Variants in SULF1 observed in about 807,000 individuals in gnomAD.
SULF1 encodes the protein extracellular sulfatase Sulf-1.
In SULF1, 46 loss-of-function variants were observed where a neutral mutation model predicts 110.5. The observed-to-expected ratio is 0.42, with a 90% CI of 0.33 to 0.53. SULF1 has a LOEUF of 0.53. SULF1 is among the 20% of genes least tolerant of loss of function. The pLI, the probability that SULF1 is intolerant of heterozygous loss-of-function variation, is 0.12. For missense variants in SULF1, 941 were observed against 1,094.2 expected (o/e 0.86, Z 1.98); for synonymous variants, 371 against 387.1 (o/e 0.96, Z 0.49).
At chr8:69,605,855 G>A (rs1808183547) in intron 13 of SULF1, among the ~76,000 whole-genome samples, 1 of 152,172 alleles carries the variant, frequency 6.6e-6, no homozygotes, top group African/African-American at 2.4e-5. Context: ...TGTAGAGTGA[G>A]GTGGGCATTG....
chr8:69,524,270 G>A (rs1215752373), intron 3 of SULF1, among the ~76,000 whole-genome samples: 1 of 152,006 alleles, frequency 6.6e-6, no homozygotes, highest in Admixed American at 6.6e-5. Context: ...AATACCTGAG[G>A]CTGGGTAAGT....
intron 3 of SULF1, among the ~76,000 whole-genome samples, chr8:69,521,560 C>T (rs1445864494): frequency 1.3e-5 from 2 of 151,930 alleles, no homozygotes; most frequent in African/African-American, 2.4e-5. Flanking sequence ...GCAAAAGCCC[C>T]AAGAGGAAAG....
At chr8:69,609,292 G>A (rs960873150) in intron 13 of SULF1, among the ~76,000 whole-genome samples, 4 of 152,204 alleles carry the variant, frequency 2.6e-5, no homozygotes, top group Non-Finnish European at 5.9e-5. Flanking sequence ...GCTGCAGTGA[G>A]CCGTGATCGT....
chr8:69,519,052 G>A lies in SULF1; in HGVS notation c.-134+17084G>A, dbSNP rs527992229. Among the ~76,000 whole-genome samples, 18 of 152,180 alleles carry A rather than the reference G, an allele frequency of 1.2e-4. No individual in the cohort carries two copies. The East Asian group carries it at 2.5e-3, about 21-fold the overall frequency. On this transcript the variant is annotated intron_variant, in intron 3 of 22. Transcript: ENST00000402687. The stretch of plus-strand genomic sequence containing the variant: ...ATACATTACTTGTGTCCCTTCTCTT[G>A]GGGATCACAGCCTGTTCAATGTCTG...
Position 69,645,559 on chromosome 8 carries a change from T to C in SULF1, c.2585+4718T>C, listed in dbSNP as rs191204047. On this transcript the variant is annotated intron_variant, in intron 22 of 22. Transcript: ENST00000402687. ...GCAAAGTGCCTTGACCAGAAATATA[T>C]GGCGTCATAAGAGCCAGGAGAGGGC... 3.0e-3 allele frequency among the ~76,000 whole-genome samples: 460 copies of C among 152,310 alleles called. 16 individuals are homozygous for C. In the East Asian group the frequency reaches 0.071, roughly 23 times the overall value.
chr8:69,597,735 A>T (rs1807454281), intron 8 of SULF1: 1 of 152,168 alleles, frequency 6.6e-6, no homozygotes, highest in Non-Finnish European at 1.5e-5. Context: ...TGTGGTTTTA[A>T]AAAAGTCAAC....
intron 22 of SULF1, among the ~76,000 whole-genome samples, chr8:69,649,346 T>C (rs1410064207): frequency 6.6e-6 from 1 of 152,206 alleles, no homozygotes; most frequent in Non-Finnish European, 1.5e-5. Context: ...TATATATAAA[T>C]GCTTTAGGAG....
At chr8:69,516,895 G>A (rs761953228) in intron 3 of SULF1, among the ~76,000 whole-genome samples, 3 of 152,014 alleles carry the variant, frequency 2.0e-5, no homozygotes, top group Non-Finnish European at 4.4e-5. Context: ...AAAAACCTAA[G>A]CATAAAGTTT....
chr8:69,515,547 G>C (rs1003097369), intron 3 of SULF1, among the ~76,000 whole-genome samples: 2 of 152,164 alleles, frequency 1.3e-5, no homozygotes, highest in Non-Finnish European at 2.9e-5. Context: ...TTTCCCCATC[G>C]TCTTGGCTAT....
At chr8:69,640,323 C>T (rs1489028702) in intron 21 of SULF1, among the ~76,000 whole-genome samples, 1 of 152,178 alleles carries the variant, frequency 6.6e-6, no homozygotes, top group Non-Finnish European at 1.5e-5. Flanking sequence ...CATAACAACT[C>T]TACTTAGTGA....
intron 22 of SULF1, among the ~76,000 whole-genome samples, chr8:69,647,039 G>C (rs1007452903): frequency 4.9e-5 from 7 of 144,138 alleles, no homozygotes; most frequent in African/African-American, 1.8e-4. Context: ...CCACCTCCCA[G>C]GTTCAAGCAA....
At chr8:69,655,821 C>G (rs540521680) in intron 22 of SULF1, among the ~76,000 whole-genome samples, 89 of 152,254 alleles carry the variant, frequency 5.8e-4, no homozygotes, top group Non-Finnish European at 1.0e-3. Flanking sequence ...TCTCTTTGGT[C>G]TGTGCTCCCT....
At position 69,638,740 on chromosome 8, in the gene SULF1, A is replaced by G; in HGVS notation, c.2433A>G (p.Thr811=). 5 of 1,614,024 alleles carry G rather than the reference A, an allele frequency of 3.1e-6. No homozygotes were observed. The highest frequency in any genetic ancestry group is 4.2e-6 in the Non-Finnish European group (5 of 1,180,010). ...TGTCCTGTCTGCATTCACAGCTCAC[A>G]AATACAGTGCACACGGTAGAACGAG... ...FDMNTDPYQL[T]NTVHTVERGI... is the part of the protein sequence containing the mutation. The change falls in exon 21 of 23, where the codon ACA becomes ACG. Residue 811 remains threonine, a synonymous_variant. Transcript: ENST00000402687.
In SULF1 at chr8:69,621,234, G is replaced by C. The variant is rs765629343; in HGVS notation, c.1577G>C (p.Arg526Thr). ...SQRKSQRQFL[R>T]NQGTPKYKPR... ...AGAAAGAGTCAACGGCAATTCTTGA[G>C]AAACCAGGGGACTCCAAGTAAGCCA... Residue 526 changes from arginine to threonine, a missense_variant, in exon 14 of 23, where the codon AGA (arginine) becomes ACA (threonine). Coordinates refer to ENST00000402687, the MANE Select transcript of SULF1 (RefSeq NM_001128205.2). The C allele has an allele frequency of 6.2e-7, 1 of 1,612,806 alleles. No homozygotes were observed. Among genetic ancestry groups the C allele is most frequent in the Non-Finnish European group, 8.5e-7 (1 of 1,179,288 alleles).
Position 69,624,106 on chromosome 8 carries a change from C to T in SULF1, c.1759C>T (p.Leu587Phe). The T allele has an allele frequency of 6.2e-7, 1 of 1,613,960 alleles. No homozygotes were observed. Among genetic ancestry groups the T allele is most frequent in the Non-Finnish European group, 8.5e-7 (1 of 1,179,902 alleles). The change falls in exon 15 of 23, where the codon CTC (leucine) becomes TTC (phenylalanine). Residue 587 changes from leucine (L) to phenylalanine (F), a missense_variant. Physicochemically the swap from Leu to Phe is conservative, Grantham distance 22 (BLOSUM62 0). Transcript: ENST00000402687. Reference protein sequence around the residue: ...HDEGHKGPRDLQASSGGNRGR... With the variant: ...HDEGHKGPRDFQASSGGNRGR... ...TGAAGGCCACAAGGGGCCAAGAGAT[C>T]TCCAGGCTTCCAGTGGTGGCAACAG...
chr8:69,543,593 T>C (rs376302347), intron 3 of SULF1, among the ~76,000 whole-genome samples: 1 of 152,360 alleles, frequency 6.6e-6, no homozygotes, highest in South Asian at 2.1e-4. Context: ...ACAATGTATA[T>C]GTACCACATT....
chr8:69,600,821 C>A, intron 9 of SULF1, 68 bp downstream of exon 9: 3 of 1,510,718 alleles, frequency 2.0e-6, no homozygotes, highest in South Asian at 1.3e-5. Context: ...TTATTCTTGC[C>A]AATCCTGTTT....
At chr8:69,559,526 G>A (rs1037130832) in intron 3 of SULF1, among the ~76,000 whole-genome samples, 2 of 152,152 alleles carry the variant, frequency 1.3e-5, no homozygotes, top group African/African-American at 2.4e-5. Context: ...AACTTGAAAG[G>A]TAGATTTCTA....
chr8:69,581,548 G>A (rs1310371558), intron 6 of SULF1, among the ~76,000 whole-genome samples: 2 of 152,194 alleles, frequency 1.3e-5, no homozygotes, highest in East Asian at 1.9e-4. Flanking sequence ...AAACAAAGAG[G>A]ATGGGTAAAT....
Sources: gnomAD v4.1 joint callset for allele counts (sites outside exome capture counted in the v4.1 genomes callset) on GRCh38, gnomAD v4.1.1 for gene constraint, MANE v1.5 for transcripts, NCBI Gene and HGNC (gene_info 2026-07-23, HGNC 2026-07-21) for gene names.